Variants in HHIPL1 observed in about 807,000 individuals in gnomAD.
The protein encoded by HHIPL1 is HHIP-like protein 1.
HHIPL1 carries 43 observed loss-of-function variants against 61.8 expected under a neutral mutation model. The observed-to-expected ratio is 0.70, with a 90% confidence interval of 0.55 to 0.90. The LOEUF (loss-of-function observed/expected upper bound fraction) is 0.90, where lower values mean the gene tolerates loss of function less well. Among genes scored for constraint, HHIPL1 ranks in the 40% least tolerant of loss-of-function variants. The probability of loss-of-function intolerance (pLI) is 0.00; values close to 1 mark genes in which losing one functional copy is unlikely to be tolerated. For missense variants in HHIPL1, 1,056 were observed against 1,157.7 expected (o/e 0.91, Z 1.28); for synonymous variants, 482 against 515.8 (o/e 0.93, Z 0.89).
At chr14:99,622,957 G>A in the HHIPL1 span, among the ~76,000 whole-genome samples, 32 of 152,352 alleles carry the variant, frequency 2.1e-4, no homozygotes, top group Admixed American at 1.7e-3. Context: ...TGGGAGTTAA[G>A]ACAGAGACAG....
chr14:99,656,528 C>T (rs2056030138), intron 2 of HHIPL1, among the ~76,000 whole-genome samples: 2 of 152,054 alleles, frequency 1.3e-5, no homozygotes, highest in African/African-American at 2.4e-5. Context: ...GTAATCACAG[C>T]ACTTTGGGAA....
the HHIPL1 span, among the ~76,000 whole-genome samples, chr14:99,618,825 C>T: frequency 1.3e-5 from 2 of 152,216 alleles, no homozygotes; most frequent in African/African-American, 4.8e-5. Flanking sequence ...GAAAGGAATG[C>T]GAGGGGTGCA....
At chr14:99,641,601 C>T (rs1458587074), upstream of HHIPL1, among the ~76,000 whole-genome samples, 7 of 150,350 alleles carry the variant, frequency 4.7e-5, no homozygotes, top group Admixed American at 3.3e-4. Flanking sequence ...TTTTGTAGAG[C>T]GGGGGTTTCA....
Position 99,668,467 on chromosome 14 carries a change from G to A in HHIPL1, c.1730+164G>A, listed in dbSNP as rs571075296. 1.8e-4 allele frequency among the ~76,000 whole-genome samples: 28 copies of A among 152,180 alleles called. No individual in the cohort carries two copies. Among genetic ancestry groups the A allele is most frequent in the African/African-American group, 4.8e-4 (20 of 41,514 alleles). ...GGACGTGATTTGCCTCAGTTCCTCC[G>A]GCAAGGGGCAGACCCAGGATTCAGA... On this transcript the variant is annotated intron_variant, in intron 7 of 8. Transcript: ENST00000330710. The surrounding 1 kb of genome is among the most constrained non-coding windows in gnomAD (Gnocchi z 4.7).
Position 99,660,326 on chromosome 14 carries a change from G to C in HHIPL1, c.1422G>C (p.Ser474=). The part of the protein sequence containing the change: ...IFAYPHTVGK[S]VTGGYVYRGC... ...CCTACCCGCACACGGTTGGCAAGTC[G>C]GTCACAGGGGGCTACGTGTACCGGG... The change falls in exon 5 of 9, where the codon TCG becomes TCC. Residue 474 remains serine, a synonymous_variant. Coordinates refer to ENST00000330710, the MANE Select transcript of HHIPL1 (RefSeq NM_001127258.3). This position sits in a 1 kb window ranked among gnomAD's most constrained non-coding sequence, Gnocchi z 4.9. The C allele has an allele frequency of 1.2e-6, 2 of 1,614,060 alleles. No homozygotes were observed. The highest frequency in any genetic ancestry group is 1.7e-6 in the Non-Finnish European group (2 of 1,179,998).
the HHIPL1 span, among the ~76,000 whole-genome samples, chr14:99,616,452 G>A: frequency 6.6e-6 from 1 of 152,244 alleles, no homozygotes; most frequent in Non-Finnish European, 1.5e-5. Flanking sequence ...ATTGGCCTGT[G>A]TGGGGAAGGG....
At position 99,652,516 on chromosome 14, in the gene HHIPL1, A is replaced by G; in HGVS notation, c.548A>G (p.Gln183Arg). ...HVVADAKGCL[Q>R]LCLEEVANGL... is the part of the protein sequence containing the mutation. ...GTAGCCGATGCCAAGGGCTGCCTGC[A>G]GCTGTGCCTGGAGGAGGTGGCCAAC... Residue 183 changes from glutamine to arginine, a missense_variant, in exon 2 of 9, where the codon CAG becomes CGG. Coordinates refer to ENST00000330710, the MANE Select transcript of HHIPL1 (RefSeq NM_001127258.3). The G allele has an allele frequency of 6.2e-7, 1 of 1,613,694 alleles. No individual in the cohort carries two copies. The highest frequency in any genetic ancestry group is 8.5e-7 in the Non-Finnish European group (1 of 1,180,030).
the HHIPL1 span, among the ~76,000 whole-genome samples, chr14:99,629,311 T>TA: frequency 1.3e-3 from 193 of 151,948 alleles, 1 homozygote; most frequent in African/African-American, 4.2e-3. Context: ...AGAACATACA[T>TA]AAAAAAAACA....
rs752438512 is a variant in HHIPL1 at position 99,668,237 on chromosome 14, T to A, written c.1664T>A (p.Met555Lys). The A allele has an allele frequency of 6.2e-7, 1 of 1,610,936 alleles. No homozygotes were observed. Among genetic ancestry groups the A allele is most frequent in the Non-Finnish European group, 8.5e-7 (1 of 1,177,142 alleles). Reference protein sequence around the residue: ...GEDEAGELYFMSTGEPSATAP... With the variant: ...GEDEAGELYFKSTGEPSATAP... The stretch of plus-strand genomic sequence containing the variant: ...CTGTCCAAAGGGGAGCTGTACTTCA[T>A]GTCGACAGGGGAGCCGAGTGCCACA... Residue 555 changes from methionine to lysine, a missense_variant, in exon 7 of 9, where the codon ATG becomes AAG. By Grantham distance (95) the Met-to-Lys change is moderately conservative (BLOSUM62 -1). Transcript: ENST00000330710. The surrounding 1 kb of genome is among the most constrained non-coding windows in gnomAD (Gnocchi z 4.7).
upstream of HHIPL1, among the ~76,000 whole-genome samples, chr14:99,642,815 T>C (rs771766622): frequency 1.5e-4 from 23 of 152,146 alleles, no homozygotes; most frequent in East Asian, 3.9e-4. Flanking sequence ...TGAGCCACTG[T>C]GCCCGGCCTT....
the HHIPL1 span, among the ~76,000 whole-genome samples, chr14:99,638,988 C>T: frequency 6.6e-6 from 1 of 152,258 alleles, no homozygotes; most frequent in Non-Finnish European, 1.5e-5. Context: ...TTCATTCATT[C>T]ATTCCCTCAT....
intron 6 of HHIPL1, among the ~76,000 whole-genome samples, chr14:99,664,611 C>A (rs1020232364): frequency 5.9e-5 from 9 of 152,296 alleles, no homozygotes; most frequent in African/African-American, 2.2e-4. Context: ...CAAACCTTCC[C>A]CCTGCCCTCA....
the HHIPL1 span, among the ~76,000 whole-genome samples, chr14:99,621,709 C>CTTTTTTTTTTTTTTTTTTTTT: frequency 2.5e-3 from 213 of 84,486 alleles, 1 homozygote; most frequent in East Asian, 3.7e-3. Context: ...CTTTTCTTTT[C>CTTTTTTTTTTTTTTTTTTTTT]TTTTTTTTTT....
chr14:99,661,500 T>G (rs1363896847), intron 5 of HHIPL1, among the ~76,000 whole-genome samples: 8 of 151,358 alleles, frequency 5.3e-5, no homozygotes, highest in Admixed American at 2.6e-4. Context: ...CAGGGTCTCA[T>G]TTTGTCACCC....
intron 6 of HHIPL1, among the ~76,000 whole-genome samples, chr14:99,666,914 G>A (rs1219827538): frequency 2.6e-5 from 4 of 151,932 alleles, no homozygotes; most frequent in East Asian, 1.9e-4. Flanking sequence ...GGTCTACCCC[G>A]GTTACACAAG....
the HHIPL1 span, among the ~76,000 whole-genome samples, chr14:99,613,728 G>A: frequency 1.3e-5 from 2 of 151,878 alleles, no homozygotes; most frequent in Non-Finnish European, 2.9e-5. Flanking sequence ...GGCCAACATG[G>A]TAAAATCCCA....
the HHIPL1 span, among the ~76,000 whole-genome samples, chr14:99,623,840 G>A: frequency 2.6e-5 from 4 of 152,254 alleles, no homozygotes; most frequent in Admixed American, 6.5e-5. Flanking sequence ...TAGCAGCCCC[G>A]CCAGTGCCGG....
Position 99,675,034 on chromosome 14 carries a change from G to T in HHIPL1, c.1814-57G>T. On this transcript the variant is annotated intron_variant, in intron 8 of 8. Coordinates refer to ENST00000330710, the MANE Select transcript of HHIPL1 (RefSeq NM_001127258.3). The surrounding 1 kb of genome is among the most constrained non-coding windows in gnomAD (Gnocchi z 5.4). ...GTTGCAGGGCAGCACAGGGTGGGCA[G>T]CAGGGCTGGACAGGGGCGCCTGGGT... is the stretch of plus-strand genomic sequence containing the variant. 1 of 977,254 alleles carries T rather than the reference G, an allele frequency of 1.0e-6. No individual in the cohort carries two copies. Among genetic ancestry groups the T allele is most frequent in the Non-Finnish European group, 1.3e-6 (1 of 788,614 alleles). The allele number at this position is 977,254 out of a possible 1,614,324, so 60.5% of individuals were successfully genotyped here.
At chr14:99,646,832 GATATAATATA>G (rs1186393743) in intron 1 of HHIPL1, among the ~76,000 whole-genome samples, 9,571 of 114,876 alleles carry the variant, frequency 0.083, 646 homozygotes, top group African/African-American at 0.2. Flanking sequence ...GATATGATAT[GATATAATATA>G]ATATAATATA....
Sources: allele counts gnomAD v4.1 joint callset (sites outside exome capture counted in the v4.1 genomes callset), GRCh38; gene constraint gnomAD v4.1.1; non-coding constraint Gnocchi (gnomAD v3.1); transcripts MANE v1.5; gene names NCBI Gene and HGNC (gene_info 2026-07-23, HGNC 2026-07-21).